Variants in COMMD1 observed in about 807,000 individuals in gnomAD.
COMMD1 encodes the protein COMM domain-containing protein 1.
COMMD1 carries 10 observed loss-of-function variants against 17.2 expected under a neutral mutation model. The observed-to-expected ratio is 0.58, with a 90% CI of 0.36 to 0.99. The LOEUF (loss-of-function observed/expected upper bound fraction) is 0.99. Ranked by LOEUF, COMMD1 falls within the 50% of genes least tolerant of loss-of-function variation. The pLI is 0.01. For synonymous variants in COMMD1, 97 were observed against 91.6 expected (o/e 1.06, Z -0.34); for missense variants, 270 against 231.8 (o/e 1.17, Z -1.07).
At chr2:62,128,021 C>CAAAAA (rs56019037) in intron 2 of COMMD1, among the ~76,000 whole-genome samples, 1 of 103,256 alleles carries the variant, frequency 9.7e-6, no homozygotes, top group African/African-American at 3.5e-5. Context: ...GACTCTATCT[C>CAAAAA]AAAAAAAAAA....
rs142455659 is a variant in COMMD1, at chr2:62,127,690, T to C, written c.463-8141T>C. 5.0e-3 allele frequency among the ~76,000 whole-genome samples: 760 copies of C among 152,272 alleles called. 8 individuals are homozygous for C. The highest frequency in any genetic ancestry group is 0.017 in the African/African-American group (709 of 41,556). On this transcript the variant is annotated intron_variant, in intron 2 of 2. Transcript: ENST00000311832. ...CTAGCCATATGCAGAAAATTGAAAC[T>C]GAACCCATTCCTCACGCCTTATATA... is the stretch of plus-strand genomic sequence containing the variant.
chr2:61,889,905 G>A (rs1217401957), intron 1 of COMMD1, among the ~76,000 whole-genome samples: 1 of 152,106 alleles, frequency 6.6e-6, no homozygotes, highest in Admixed American at 6.6e-5. Context: ...ATCTCGTTTA[G>A]TCCTCACAAT....
chr2:62,005,412 C>T (rs1669083672), intron 2 of COMMD1, among the ~76,000 whole-genome samples: 1 of 152,158 alleles, frequency 6.6e-6, no homozygotes, highest in Non-Finnish European at 1.5e-5. Context: ...GTCTGTATTA[C>T]TTTTCTTTGG....
Position 62,000,852 on chromosome 2 carries a change from A to T in COMMD1, c.332A>T (p.Asn111Ile), listed in dbSNP as rs754634108. The T allele has an allele frequency of 7.4e-6, 12 of 1,614,054 alleles. No homozygotes were observed. The African/African-American group carries it at 1.6e-4, about 22-fold the overall frequency. Residue 111 changes from asparagine to isoleucine, a missense_variant, in exon 2 of 3, where the codon AAC becomes ATC. Asn to Ile is a moderately radical substitution (Grantham distance 149). Transcript: ENST00000311832. Reference sequence around the variant, plus strand: ...ACAAAAATCCGTGAGAGCCTCATGAACCAGAGCCGCTGGAATAGCGGGCTT... The same window carrying T: ...ACAAAAATCCGTGAGAGCCTCATGATCCAGAGCCGCTGGAATAGCGGGCTT... ...HKTKIRESLM[N>I]QSRWNSGLRG...
intron 1 of COMMD1, among the ~76,000 whole-genome samples, chr2:61,908,774 G>T (rs1021682964): frequency 1.3e-5 from 2 of 150,840 alleles, no homozygotes; most frequent in South Asian, 4.2e-4. Context: ...TCACCATCTT[G>T]GCCAGGCTGG....
At chr2:62,016,643 G>C (rs1669458365) in intron 2 of COMMD1, among the ~76,000 whole-genome samples, 1 of 151,312 alleles carries the variant, frequency 6.6e-6, no homozygotes, top group South Asian at 2.1e-4. Context: ...ATATGGATTT[G>C]CAAATATTTT....
At chr2:62,016,991 T>C (rs376106109) in intron 2 of COMMD1, among the ~76,000 whole-genome samples, 5 of 152,208 alleles carry the variant, frequency 3.3e-5, no homozygotes, top group African/African-American at 1.2e-4. Context: ...AGCTGATAAG[T>C]TGTAAATTTA....
chr2:62,078,440 C>A (rs1671414439), intron 2 of COMMD1, among the ~76,000 whole-genome samples: 2 of 147,876 alleles, frequency 1.4e-5, no homozygotes, highest in African/African-American at 5.0e-5. Flanking sequence ...GTAATCCCAG[C>A]CACTCGGGAG....
At chr2:62,044,905 G>C (rs867639932) in intron 2 of COMMD1, among the ~76,000 whole-genome samples, 7 of 151,596 alleles carry the variant, frequency 4.6e-5, no homozygotes, top group Middle Eastern at 3.4e-3. Flanking sequence ...TATCATCATA[G>C]TTTTATTAAT....
intron 2 of COMMD1, among the ~76,000 whole-genome samples, chr2:62,077,681 A>T (rs1459011436): frequency 5.3e-5 from 8 of 151,928 alleles, no homozygotes. Flanking sequence ...TTTATAAATA[A>T]ATAAATAAAT....
intron 1 of COMMD1, among the ~76,000 whole-genome samples, chr2:61,971,298 C>T (rs1671645263): frequency 6.6e-6 from 1 of 152,220 alleles, no homozygotes; most frequent in African/African-American, 2.4e-5. Context: ...ACCCTTTCCT[C>T]ATTTGCTACG....
At chr2:62,006,541 A>G (rs1056710418) in intron 2 of COMMD1, among the ~76,000 whole-genome samples, 2 of 152,166 alleles carry the variant, frequency 1.3e-5, no homozygotes, top group African/African-American at 4.8e-5. Context: ...CTTGTAGTGA[A>G]TGTTTTTTCC....
At chr2:62,122,444 CTTTTTT>C (rs372131423) in intron 2 of COMMD1, among the ~76,000 whole-genome samples, 34 of 126,896 alleles carry the variant, frequency 2.7e-4, no homozygotes, top group African/African-American at 8.5e-4. Context: ...TCTTTCTTTT[CTTTTTT>C]TTTTTTTTTG....
upstream of COMMD1, among the ~76,000 whole-genome samples, chr2:61,903,260 A>G (rs1669697415): frequency 6.6e-6 from 1 of 152,044 alleles, no homozygotes; most frequent in African/African-American, 2.4e-5. Context: ...CCTGGCCAAC[A>G]TGGTGAAACC....
intron 2 of COMMD1, among the ~76,000 whole-genome samples, chr2:62,074,652 T>C (rs1460837508): frequency 1.3e-5 from 2 of 152,208 alleles, no homozygotes; most frequent in East Asian, 3.8e-4. Context: ...GTCTTCTCTA[T>C]CTTGTCTATT....
At chr2:62,102,246 A>G (rs542145847) in intron 2 of COMMD1, among the ~76,000 whole-genome samples, 2 of 152,306 alleles carry the variant, frequency 1.3e-5, no homozygotes, top group South Asian at 4.1e-4. Context: ...CTCCTCTTCC[A>G]TGAGACTAGA....
At chr2:62,120,243 C>A (rs114112884) in intron 2 of COMMD1, among the ~76,000 whole-genome samples, 1 of 151,492 alleles carries the variant, frequency 6.6e-6, no homozygotes, top group Non-Finnish European at 1.5e-5. Flanking sequence ...TGAAGTGATA[C>A]ACCTACCTTG....
chr2:61,916,473 G>T (rs1670054035), intron 1 of COMMD1, among the ~76,000 whole-genome samples: 1 of 152,136 alleles, frequency 6.6e-6, no homozygotes, highest in African/African-American at 2.4e-5. Context: ...CCAGGCTGGA[G>T]TGCAATGGCG....
intron 2 of COMMD1, among the ~76,000 whole-genome samples, chr2:62,101,658 T>C (rs1364026831): frequency 6.6e-6 from 1 of 152,082 alleles, no homozygotes; most frequent in Admixed American, 6.5e-5. Context: ...CCCACACTTA[T>C]ATCTAGCTAC....
Sources: gnomAD v4.1 joint callset for allele counts (sites outside exome capture counted in the v4.1 genomes callset) on GRCh38, gnomAD v4.1.1 for gene constraint, MANE v1.5 for transcripts, NCBI Gene and HGNC (gene_info 2026-07-23, HGNC 2026-07-21) for gene names.